AHRR: variants seen among roughly 807,000 people sequenced by gnomAD.
The protein encoded by AHRR is aryl hydrocarbon receptor repressor, also known as ahR repressor.
AHRR carries 28 observed loss-of-function variants against 44.0 expected under a neutral mutation model. The ratio of observed to expected loss-of-function variants is 0.64; its 90% confidence interval spans 0.47 to 0.87. The LOEUF is 0.87. Ranked by LOEUF, AHRR falls within the 40% of genes least tolerant of loss-of-function variation. The pLI is 0.00. For synonymous variants in AHRR, 434 were observed against 407.0 expected (o/e 1.07, Z -0.80); for missense variants, 990 against 953.9 (o/e 1.04, Z -0.50).
chr5:423,753 G>A (rs544637375), intron 6 of AHRR, 88 bp from the exon 7 acceptor site: 31 of 1,483,516 alleles, frequency 2.1e-5, no homozygotes, highest in South Asian at 7.7e-5. Context: ...ATGACCTGGC[G>A]CGTGAGAGCC....
rs1190123910 is a variant in AHRR at position 337,606 on chromosome 5, A to T, written c.-10-6287A>T. Among the ~76,000 whole-genome samples the T allele has an allele frequency of 6.6e-6, 1 of 151,866 alleles. No individual in the cohort carries two copies. Among genetic ancestry groups the T allele is most frequent in the Non-Finnish European group, 1.5e-5 (1 of 67,962 alleles). On this transcript the variant is annotated intron_variant, in intron 1 of 10. Coordinates refer to ENST00000684583, the MANE Select transcript of AHRR (RefSeq NM_001377236.1). The surrounding 1 kb of genome is among the most constrained non-coding windows in gnomAD (Gnocchi z 4.1). ...ACTGTGTTGGCGTTTTATATTTTAA[A>T]TTTTTTTTTATTTGAATTGAGAAAC... is the stretch of plus-strand genomic sequence containing the variant.
chr5:383,804 T>C lies in AHRR; in HGVS notation c.351+7088T>C, dbSNP rs1159985063. On this transcript the variant is annotated intron_variant, in intron 4 of 10. Coordinates refer to ENST00000684583, the MANE Select transcript of AHRR (RefSeq NM_001377236.1). This position sits in a 1 kb window ranked among gnomAD's most constrained non-coding sequence, Gnocchi z 4.0. ...GTCTAGAACTCTTGGCCTCAAGCTG[T>C]CCTCCCACCCCCGGCCTCCCAAAGT... is the stretch of plus-strand genomic sequence containing the variant. Among the ~76,000 whole-genome samples the C allele has an allele frequency of 6.6e-6, 1 of 152,172 alleles. No individual in the cohort carries two copies. The highest frequency in any genetic ancestry group is 1.5e-5 in the Non-Finnish European group (1 of 68,034).
rs374134517 is a variant in AHRR at position 434,306 on chromosome 5, G to C, written c.1566G>C (p.Leu522=). 3.1e-6 allele frequency: 5 copies of C among 1,610,416 alleles called. No individual in the cohort carries two copies. The highest frequency in any genetic ancestry group is 4.2e-6 in the Non-Finnish European group (5 of 1,178,214). The change falls in exon 11 of 11, where the codon CTG becomes CTC. Residue 522 remains leucine, a synonymous_variant. Transcript: ENST00000684583. ...LQGVPMPPGD[L]CGPTLLLDVS... is the part of the protein sequence containing the mutation. The stretch of plus-strand genomic sequence containing the variant: ...GTGTACCGATGCCTCCGGGGGACCT[G>C]TGTGGTCCGACGCTGCTGCTAGATG...
At chr5:340,285 G>T (rs899254460) in intron 1 of AHRR, among the ~76,000 whole-genome samples, 5 of 151,870 alleles carry the variant, frequency 3.3e-5, no homozygotes, top group African/African-American at 1.2e-4. Context: ...TGAATTTTTG[G>T]GATAGTATTT....
At chr5:394,728 T>C (rs1734621755) in intron 4 of AHRR, among the ~76,000 whole-genome samples, 1 of 151,994 alleles carries the variant, frequency 6.6e-6, no homozygotes, top group Non-Finnish European at 1.5e-5. Flanking sequence ...CCGTGTGCGC[T>C]GGCTCCGATT....
rs774247986 is a variant in AHRR at position 434,243 on chromosome 5, C to T, written c.1503C>T (p.Ala501=). 6 of 1,593,776 alleles carry T rather than the reference C, an allele frequency of 3.8e-6. No homozygotes were observed. The African/African-American group carries it at 8.1e-5, about 21-fold the overall frequency. The change falls in exon 11 of 11, where the codon GCC becomes GCT. Residue 501 remains alanine, a synonymous_variant. Transcript: ENST00000684583. ...CTCAGCCTGGAGCTCAGCGTTTTGC[C>T]ACGAGGGGCTATCCCATGGAGGACA... ...QLPQPGAQRF[A]TRGYPMEDMK...
chr5:432,905 G>T lies in AHRR; in HGVS notation c.1070G>T (p.Arg357Leu), dbSNP rs545599373. Residue 357 changes from arginine to leucine, a missense_variant, in exon 10 of 11, where the codon CGG becomes CTG. Coordinates refer to ENST00000684583, the MANE Select transcript of AHRR (RefSeq NM_001377236.1). ...GCCAGGGCCCCATGCCTGTGCCTCCGGGGTGGCCCTGACCTTGTCCTTGAC... is the reference window on the plus strand; with the variant it reads ...GCCAGGGCCCCATGCCTGTGCCTCCTGGGTGGCCCTGACCTTGTCCTTGAC... ...VPARAPCLCL[R>L]GGPDLVLDPK... The T allele has an allele frequency of 2.3e-5, 37 of 1,613,218 alleles. No homozygotes were observed. Among genetic ancestry groups the T allele is most frequent in the Non-Finnish European group, 3.1e-5 (36 of 1,179,904 alleles).
intron 2 of AHRR, among the ~76,000 whole-genome samples, 192 bp downstream of exon 2, chr5:344,156 C>A (rs1211149072): frequency 6.6e-6 from 1 of 151,256 alleles, no homozygotes. Context: ...GCCCGGAGCC[C>A]CCGGCGAGGC....
chr5:426,638 G>T (rs546921735), intron 7 of AHRR, among the ~76,000 whole-genome samples: 2 of 149,834 alleles, frequency 1.3e-5, no homozygotes, highest in South Asian at 4.2e-4. Context: ...TGGATGGATG[G>T]ATGGATAGAT....
chr5:376,563 C>CACAGGAAAGATGTGAATGAATAAGAG, intron 3 of AHRR, 47 bp from the exon 4 acceptor site: 1 of 195,240 alleles, frequency 5.1e-6, no homozygotes, highest in Non-Finnish European at 9.2e-6. Flanking sequence ...GAAGAGTGGC[C>CACAGGAAAGATGTGAATGAATAAGAG]AGGCCAAGGG....
chr5:431,112 G>A (rs1736705705), intron 8 of AHRR, among the ~76,000 whole-genome samples: 1 of 152,188 alleles, frequency 6.6e-6, no homozygotes, highest in South Asian at 2.1e-4. Flanking sequence ...AACCCTAGAA[G>A]CAGAGGGGAC....
At chr5:343,330 A>G (rs1456535212) in intron 1 of AHRR, among the ~76,000 whole-genome samples, 4 of 138,312 alleles carry the variant, frequency 2.9e-5, no homozygotes, top group Non-Finnish European at 6.3e-5. Flanking sequence ...CAGGGGTGAC[A>G]GGAACGTGGG....
intron 5 of AHRR, among the ~76,000 whole-genome samples, chr5:414,132 GT>G (rs1203474975): frequency 3.8e-4 from 58 of 152,196 alleles, no homozygotes; most frequent in African/African-American, 1.3e-3. Context: ...GTGTGGTGGC[GT>G]GCACCCGTAG....
intron 4 of AHRR, among the ~76,000 whole-genome samples, chr5:389,332 C>T (rs917678822): frequency 2.0e-5 from 3 of 152,188 alleles, no homozygotes; most frequent in Non-Finnish European, 4.4e-5. Flanking sequence ...CACGTAAAGC[C>T]CTGAAAACCA....
chr5:403,751 A>G, intron 4 of AHRR: 1 of 1,383,912 alleles, frequency 7.2e-7, no homozygotes, highest in Non-Finnish European at 9.9e-7. Context: ...AGAACATTTG[A>G]TTCCTTATCA....
intron 4 of AHRR, 87 bp downstream of exon 4, chr5:376,803 C>A: frequency 8.5e-7 from 1 of 1,182,640 alleles, no homozygotes; most frequent in Non-Finnish European, 1.2e-6. Context: ...CCGTGTCACG[C>A]ATGTTCAGGC....
At chr5:412,585 G>C (rs1289115956) in intron 4 of AHRR, among the ~76,000 whole-genome samples, 2 of 151,996 alleles carry the variant, frequency 1.3e-5, no homozygotes, top group African/African-American at 4.8e-5. Flanking sequence ...TGATCAAAGG[G>C]GCTTACCACA....
At chr5:396,325 TC>T (rs1734705061) in intron 4 of AHRR, among the ~76,000 whole-genome samples, 1 of 152,106 alleles carries the variant, frequency 6.6e-6, no homozygotes, top group Non-Finnish European at 1.5e-5. Flanking sequence ...CCCCCCTTTG[TC>T]CCTGACTTTA....
chr5:353,924 C>T lies in AHRR; in HGVS notation c.244+13C>T. 3 of 1,604,484 alleles carry T rather than the reference C, an allele frequency of 1.9e-6. No homozygotes were observed. Among genetic ancestry groups the T allele is most frequent in the South Asian group, 2.2e-5 (2 of 89,368 alleles). On this transcript the variant is annotated intron_variant, in intron 3 of 10. Coordinates refer to ENST00000684583, the MANE Select transcript of AHRR (RefSeq NM_001377236.1). ...AGCTTCTTCCAAGGTAGGACTCTCA[C>T]CTGCTCCCACCTGTTCACTTGAGTC...
Sources: gnomAD v4.1 joint callset for allele counts (sites outside exome capture counted in the v4.1 genomes callset) on GRCh38, gnomAD v4.1.1 for gene constraint, Gnocchi (gnomAD v3.1) non-coding constraint, MANE v1.5 for transcripts, NCBI Gene and HGNC (gene_info 2026-07-23, HGNC 2026-07-21) for gene names.